NXPE4: variants seen among roughly 807,000 people sequenced by gnomAD.
NXPE4 encodes neurexophilin and PC-esterase domain family member 4, also known as NXPE family member 4.
Under a neutral mutation model 33.3 loss-of-function variants are expected in NXPE4, and 42 were observed. That is an observed-to-expected ratio of 1.26 (90% CI 0.98 to 1.63). NXPE4 has a LOEUF of 1.63. Among genes scored for constraint, NXPE4 ranks in the 40% most tolerant of loss-of-function variants. The probability of loss-of-function intolerance (pLI) is 0.00; values close to 1 mark genes in which losing one functional copy is unlikely to be tolerated. For synonymous variants in NXPE4, 253 were observed against 234.9 expected (o/e 1.08, Z -0.71); for missense variants, 709 against 647.6 (o/e 1.09, Z -1.03).
chr11:114,583,014 G>C lies in NXPE4; in HGVS notation c.104C>G (p.Ser35Cys). ...TVFQNSTKVWSALNLSISLHY... is the reference protein window; with the variant it reads ...TVFQNSTKVWCALNLSISLHY... ...GAGGGAGATGGATAAGTTTAGAGCA[G>C]ACCAAACCTGAAATGACAGCAAATG... Residue 35 changes from serine to cysteine, a missense_variant, in exon 3 of 6, where the codon TCT (serine) becomes TGT (cysteine). Coordinates refer to ENST00000375478, the MANE Select transcript of NXPE4 (RefSeq NM_001077639.2). The C allele has an allele frequency of 1.2e-6, 2 of 1,605,642 alleles. No homozygotes were observed. The highest frequency in any genetic ancestry group is 2.7e-5 in the African/African-American group (2 of 74,672).
chr11:114,610,423 C>T, the NXPE4 span, among the ~76,000 whole-genome samples: 1 of 151,872 alleles, frequency 6.6e-6, no homozygotes, highest in Non-Finnish European at 1.5e-5. Flanking sequence ...ATACCTATTG[C>T]CTCTCGGGTA....
the NXPE4 span, among the ~76,000 whole-genome samples, chr11:114,651,493 G>A: frequency 2.6e-5 from 4 of 152,204 alleles, no homozygotes; most frequent in Non-Finnish European, 5.9e-5. Flanking sequence ...TTATTGCAAA[G>A]AGCAAAAGAA....
At chr11:114,602,975 A>G in the NXPE4 span, among the ~76,000 whole-genome samples, 1 of 150,540 alleles carries the variant, frequency 6.6e-6, no homozygotes, top group Non-Finnish European at 1.5e-5. Context: ...ACAGAATCAT[A>G]TAATTATCTC....
At chr11:114,633,725 T>C in the NXPE4 span, among the ~76,000 whole-genome samples, 1 of 151,912 alleles carries the variant, frequency 6.6e-6, no homozygotes, top group African/African-American at 2.4e-5. Context: ...TTTGGTTTTT[T>C]GTCCTTGCGA....
chr11:114,615,392 C>T, the NXPE4 span, among the ~76,000 whole-genome samples: 4 of 151,928 alleles, frequency 2.6e-5, no homozygotes, highest in Non-Finnish European at 5.9e-5. Flanking sequence ...ATAAGTATTG[C>T]CTCGGTAACC....
intron 3 of NXPE4, 92 bp downstream of exon 3, chr11:114,582,196 A>G: frequency 7.2e-7 from 1 of 1,394,244 alleles, no homozygotes; most frequent in Non-Finnish European, 9.6e-7. Context: ...AGACACCCAA[A>G]ATTAATACAC....
the NXPE4 span, among the ~76,000 whole-genome samples, chr11:114,623,483 G>A: frequency 1.3e-5 from 2 of 151,992 alleles, no homozygotes; most frequent in African/African-American, 4.8e-5. Flanking sequence ...TTTCCTCTCG[G>A]GTAACCACTG....
the NXPE4 span, among the ~76,000 whole-genome samples, chr11:114,666,902 T>C: frequency 6.6e-6 from 1 of 152,138 alleles, no homozygotes; most frequent in South Asian, 2.1e-4. Context: ...CCCACACTTC[T>C]CTTTATAGCA....
At chr11:114,573,405 G>C (rs7122830) in intron 5 of NXPE4, among the ~76,000 whole-genome samples, 2 of 151,812 alleles carry the variant, frequency 1.3e-5, no homozygotes, top group Admixed American at 6.6e-5. Context: ...TACTTAAAAC[G>C]TACAGAATGG....
chr11:114,669,861 A>C, the NXPE4 span, among the ~76,000 whole-genome samples: 2 of 152,204 alleles, frequency 1.3e-5, no homozygotes, highest in East Asian at 3.9e-4. Context: ...TTGGAACACT[A>C]AGCATGTGGG....
the NXPE4 span, among the ~76,000 whole-genome samples, chr11:114,635,860 G>C: frequency 1.6e-3 from 242 of 152,050 alleles, no homozygotes; most frequent in African/African-American, 5.6e-3. Flanking sequence ...TGCTGTATTC[G>C]GTTTGCCAGT....
the NXPE4 span, among the ~76,000 whole-genome samples, chr11:114,640,426 G>C: frequency 6.6e-6 from 1 of 151,134 alleles, no homozygotes; most frequent in Non-Finnish European, 1.5e-5. Context: ...ATATATTCAC[G>C]TGCAGATGTC....
At chr11:114,647,692 CTT>C in the NXPE4 span, among the ~76,000 whole-genome samples, 1 of 149,622 alleles carries the variant, frequency 6.7e-6, no homozygotes, top group African/African-American at 2.5e-5. Flanking sequence ...ATTTGGGAGA[CTT>C]ATTTTATTTT....
At chr11:114,665,948 C>T in the NXPE4 span, among the ~76,000 whole-genome samples, 1 of 152,110 alleles carries the variant, frequency 6.6e-6, no homozygotes, top group Non-Finnish European at 1.5e-5. Context: ...TCTTGTTTTA[C>T]AAGTGAGGAG....
the NXPE4 span, among the ~76,000 whole-genome samples, chr11:114,622,845 T>A: frequency 4.6e-5 from 7 of 152,052 alleles, no homozygotes; most frequent in Admixed American, 3.3e-4. Flanking sequence ...TAGTAAGTAT[T>A]GCTTCATGGG....
the NXPE4 span, among the ~76,000 whole-genome samples, chr11:114,612,030 C>A: frequency 6.6e-6 from 1 of 151,900 alleles, no homozygotes; most frequent in Non-Finnish European, 1.5e-5. Flanking sequence ...ACCACTGTTA[C>A]CTGGTGGATA....
At chr11:114,575,884 C>A (rs562817180) in intron 5 of NXPE4, among the ~76,000 whole-genome samples, 1 of 152,060 alleles carries the variant, frequency 6.6e-6, no homozygotes, top group Non-Finnish European at 1.5e-5. Flanking sequence ...AAAGAGCCCA[C>A]ATAGACAAAG....
At chr11:114,620,948 T>G in the NXPE4 span, among the ~76,000 whole-genome samples, 1 of 151,882 alleles carries the variant, frequency 6.6e-6, no homozygotes, top group Non-Finnish European at 1.5e-5. Context: ...CACATTTACC[T>G]GTTGGATAAT....
At chr11:114,626,052 G>A in the NXPE4 span, among the ~76,000 whole-genome samples, 303 of 152,324 alleles carry the variant, frequency 2.0e-3, 1 homozygote, top group African/African-American at 7.0e-3. Context: ...CTGATTGCTA[G>A]CACAGCAGTC....
Sources: gnomAD v4.1 joint callset for allele counts (sites outside exome capture counted in the v4.1 genomes callset) on GRCh38, gnomAD v4.1.1 for gene constraint, MANE v1.5 for transcripts, NCBI Gene and HGNC (gene_info 2026-07-23, HGNC 2026-07-21) for gene names.